Variants in OR6N1 observed in about 807,000 individuals in gnomAD.
OR6N1 encodes olfactory receptor 6N1.
For synonymous variants in OR6N1, 170 were observed against 150.7 expected (o/e 1.13, Z -0.94); for missense variants, 394 against 371.7 (o/e 1.06, Z -0.49).
chr1:158,777,063 G>C (rs755819659), upstream of OR6N1: 4 of 1,614,078 alleles, frequency 2.5e-6, no homozygotes, highest in East Asian at 8.9e-5. Context: ...TAGCAGATGT[G>C]TCCTTGCAGG....
chr1:158,787,905 C>T, the OR6N1 span, among the ~76,000 whole-genome samples: 1 of 152,054 alleles, frequency 6.6e-6, no homozygotes, highest in Admixed American at 6.5e-5. Context: ...GCCTTATATC[C>T]ACCAGGCATC....
At chr1:158,814,642 C>G in the OR6N1 span, among the ~76,000 whole-genome samples, 1 of 152,156 alleles carries the variant, frequency 6.6e-6, no homozygotes, top group Non-Finnish European at 1.5e-5. Flanking sequence ...AGGGAACTCT[C>G]TAAGGTATCC....
At chr1:158,769,605 C>T (rs150714034) in intron 1 of OR6N1, among the ~76,000 whole-genome samples, 18 of 152,264 alleles carry the variant, frequency 1.2e-4, no homozygotes, top group African/African-American at 4.1e-4. Context: ...CTCCTTCTGC[C>T]CTCCGGTCTT....
chr1:158,793,117 T>C, the OR6N1 span, among the ~76,000 whole-genome samples: 31 of 152,170 alleles, frequency 2.0e-4, no homozygotes, highest in African/African-American at 7.5e-4. Context: ...TTTCCAGAAG[T>C]TCTCATTGTT....
the OR6N1 span, among the ~76,000 whole-genome samples, chr1:158,817,831 C>T: frequency 6.6e-6 from 1 of 152,196 alleles, no homozygotes; most frequent in Admixed American, 6.5e-5. Flanking sequence ...TTAAAAACTC[C>T]TTCTAATGCT....
At chr1:158,836,539 CTCTT>C in the OR6N1 span, among the ~76,000 whole-genome samples, 20 of 151,928 alleles carry the variant, frequency 1.3e-4, no homozygotes, top group African/African-American at 4.8e-4. Context: ...TCAAAGTATT[CTCTT>C]TATTTCTGTG....
the OR6N1 span, among the ~76,000 whole-genome samples, chr1:158,820,724 C>A: frequency 3.9e-5 from 6 of 152,184 alleles, no homozygotes; most frequent in East Asian, 1.2e-3. Flanking sequence ...ACTTATAGAC[C>A]AAACTGCTTA....
chr1:158,826,227 G>A, the OR6N1 span, among the ~76,000 whole-genome samples: 1 of 151,442 alleles, frequency 6.6e-6, no homozygotes, highest in African/African-American at 2.4e-5. Flanking sequence ...AGGACACAGA[G>A]TTTACCTATA....
upstream of OR6N1, chr1:158,776,791 G>A: frequency 6.2e-7 from 1 of 1,613,914 alleles, no homozygotes; most frequent in Non-Finnish European, 8.5e-7. Context: ...GACCATTGGT[G>A]TTAGTACGGA....
upstream of OR6N1, among the ~76,000 whole-genome samples, chr1:158,773,811 A>G (rs1439320548): frequency 6.6e-6 from 1 of 152,012 alleles, no homozygotes; most frequent in Non-Finnish European, 1.5e-5. Flanking sequence ...ATTTATGTCT[A>G]TGTGTGTGTA....
the OR6N1 span, among the ~76,000 whole-genome samples, chr1:158,788,534 T>A: frequency 3.9e-5 from 6 of 152,146 alleles, no homozygotes; most frequent in African/African-American, 1.4e-4. Context: ...TTTTATCACA[T>A]ACTTTTCATT....
At chr1:158,789,834 T>A in the OR6N1 span, among the ~76,000 whole-genome samples, 8 of 152,260 alleles carry the variant, frequency 5.3e-5, no homozygotes, top group Non-Finnish European at 1.0e-4. Flanking sequence ...AGAAGCTTTT[T>A]AGCTTCATAT....
chr1:158,820,571 C>T, the OR6N1 span, among the ~76,000 whole-genome samples: 1 of 152,228 alleles, frequency 6.6e-6, no homozygotes, highest in Non-Finnish European at 1.5e-5. Flanking sequence ...CATAGTTACA[C>T]ATATCATGCC....
intron 1 of OR6N1, 43 bp from the exon 2 acceptor site, chr1:158,766,743 T>C (rs1657286143): frequency 3.8e-6 from 5 of 1,309,752 alleles, no homozygotes; most frequent in Admixed American, 2.3e-5. Context: ...AGTTGAACTA[T>C]AGGGTTCTAA....
the OR6N1 span, among the ~76,000 whole-genome samples, chr1:158,793,315 AG>A: frequency 6.6e-6 from 1 of 152,060 alleles, no homozygotes; most frequent in Non-Finnish European, 1.5e-5. Context: ...CAGGAGGGTT[AG>A]TGTTATCTTT....
chr1:158,767,054 T>C (rs1225189271), intron 1 of OR6N1, among the ~76,000 whole-genome samples: 3 of 152,332 alleles, frequency 2.0e-5, no homozygotes, highest in South Asian at 4.1e-4. Flanking sequence ...ATATTGTTCA[T>C]CTAAGGTAAA....
chr1:158,764,301 GAAAA>G lies in OR6N1; in HGVS notation c.*1439_*1442del, dbSNP rs531157805. On this transcript the variant is annotated 3_prime_UTR_variant, in exon 2 of 2. Coordinates refer to ENST00000641846, the MANE Select transcript of OR6N1 (RefSeq NM_001005185.2). ...TTCTCAATAAACTTCAAAGACAAGTGAAAAAAAAGGAGAATGCATGTTTATCTTA... is the reference window on the plus strand; with the variant it reads ...TTCTCAATAAACTTCAAAGACAAGTGAAAAGGAGAATGCATGTTTATCTTA... The G allele has an allele frequency of 6.7e-6, 1 of 149,698 alleles. No individual in the cohort carries two copies. Among genetic ancestry groups the G allele is most frequent in the Non-Finnish European group, 1.5e-5 (1 of 67,386 alleles). 9.3% of individuals were successfully genotyped at this position (149,698 alleles called of 1,614,324 possible).
chr1:158,773,432 A>C (rs967000651), upstream of OR6N1, among the ~76,000 whole-genome samples: 1 of 152,082 alleles, frequency 6.6e-6, no homozygotes, highest in Non-Finnish European at 1.5e-5. Context: ...CATTTCAATT[A>C]CTTCTTTTCT....
chr1:158,818,715 A>G, the OR6N1 span, among the ~76,000 whole-genome samples: 1 of 152,156 alleles, frequency 6.6e-6, no homozygotes, highest in Non-Finnish European at 1.5e-5. Flanking sequence ...GGTCTTAAAC[A>G]TTTCCTTATC....
Sources: gnomAD v4.1 joint callset for allele counts (sites outside exome capture counted in the v4.1 genomes callset) on GRCh38, gnomAD v4.1.1 for gene constraint, MANE v1.5 for transcripts, NCBI Gene and HGNC (gene_info 2026-07-23, HGNC 2026-07-21) for gene names.